Variants in GNG4 observed in about 807,000 individuals in gnomAD.
GNG4 encodes guanine nucleotide-binding protein G(I)/G(S)/G(O) subunit gamma-4.
In GNG4, 4 loss-of-function variants were observed where a neutral mutation model predicts 5.8. The observed-to-expected ratio is 0.69, with a 90% CI of 0.34 to 1.57. GNG4 has a LOEUF of 1.57. Among genes scored for constraint, GNG4 ranks in the 40% most tolerant of loss-of-function variants. The pLI, the probability that GNG4 is intolerant of heterozygous loss-of-function variation, is 0.06. For missense variants in GNG4, 96 were observed against 95.1 expected (o/e 1.01, Z -0.04); for synonymous variants, 29 against 32.9 (o/e 0.88, Z 0.41).
intron 3 of GNG4, among the ~76,000 whole-genome samples, chr1:235,561,074 A>G (rs1390656200): frequency 1.3e-5 from 2 of 152,180 alleles, no homozygotes; most frequent in Non-Finnish European, 1.5e-5. Flanking sequence ...CAGTGGCGCC[A>G]TCTCGGCTCA....
intron 3 of GNG4, among the ~76,000 whole-genome samples, chr1:235,571,837 T>C (rs545506355): frequency 2.0e-5 from 3 of 152,288 alleles, no homozygotes; most frequent in South Asian, 4.1e-4. Flanking sequence ...TGTTAATTAA[T>C]TAACTAATTA....
chr1:235,592,413 G>A (rs1687993055), intron 2 of GNG4, among the ~76,000 whole-genome samples: 2 of 152,146 alleles, frequency 1.3e-5, no homozygotes, highest in Admixed American at 6.5e-5. Flanking sequence ...GGAAGCTGAG[G>A]CAGGAGAATT....
chr1:235,557,448 T>C (rs1337638988), intron 3 of GNG4, among the ~76,000 whole-genome samples: 5 of 152,052 alleles, frequency 3.3e-5, no homozygotes, highest in Middle Eastern at 3.4e-3. Context: ...CTCACCCCCT[T>C]TCCCCCCGGC....
chr1:235,579,188 T>C (rs1415225781), intron 3 of GNG4, among the ~76,000 whole-genome samples: 5 of 152,000 alleles, frequency 3.3e-5, no homozygotes. Context: ...ATGTATTGTA[T>C]ACTTGAAAAT....
chr1:235,618,873 C>G (rs1688651727), intron 1 of GNG4, among the ~76,000 whole-genome samples: 1 of 151,394 alleles, frequency 6.6e-6, no homozygotes, highest in Admixed American at 6.6e-5. Context: ...CCGGGCTGGT[C>G]TCGAACTCCT....
chr1:235,553,306 G>A (rs1040163539), intron 3 of GNG4, among the ~76,000 whole-genome samples: 3 of 152,208 alleles, frequency 2.0e-5, no homozygotes, highest in African/African-American at 7.2e-5. Flanking sequence ...TCTGTGTCAT[G>A]TGCTTGGCAG....
At chr1:235,602,388 A>G (rs1221021794) in intron 1 of GNG4, among the ~76,000 whole-genome samples, 2 of 152,186 alleles carry the variant, frequency 1.3e-5, no homozygotes, top group Non-Finnish European at 2.9e-5. Context: ...AGAGAGAAAC[A>G]AAACGGAAAG....
chr1:235,623,182 T>C (rs1046464213), intron 1 of GNG4, among the ~76,000 whole-genome samples: 1 of 152,162 alleles, frequency 6.6e-6, no homozygotes, highest in Non-Finnish European at 1.5e-5. Flanking sequence ...AGATTTAGCC[T>C]GCATGCAGCC....
At chr1:235,636,425 G>A (rs1391794695) in intron 1 of GNG4, among the ~76,000 whole-genome samples, 1 of 152,194 alleles carries the variant, frequency 6.6e-6, no homozygotes, top group East Asian at 1.9e-4. Flanking sequence ...AGGTCTAGGG[G>A]AGCCCCGTGT....
intron 3 of GNG4, among the ~76,000 whole-genome samples, chr1:235,573,946 T>C (rs565424389): frequency 5.2e-4 from 79 of 152,308 alleles, no homozygotes; most frequent in African/African-American, 1.7e-3. Context: ...TTCAGTGATA[T>C]ATCAGGTTAT....
chr1:235,593,095 C>G (rs749223594), intron 2 of GNG4, among the ~76,000 whole-genome samples: 1 of 152,086 alleles, frequency 6.6e-6, no homozygotes, highest in South Asian at 2.1e-4. Flanking sequence ...ATTACAGGTG[C>G]GTACCACTAT....
At position 235,638,489 on chromosome 1, in the gene GNG4, T is replaced by A. The variant is rs1210521287; in HGVS notation, c.-123+11173A>T. ...GCTTGTGGCTCCTCCTGCATTTTTT[T>A]TTTTTTTTAACATTTTACTTTAAGT... is the stretch of plus-strand genomic sequence containing the variant. On this transcript the variant is annotated intron_variant, in intron 1 of 3. Coordinates refer to ENST00000391854, the MANE Select transcript of GNG4 (RefSeq NM_001098722.2). Among the ~76,000 whole-genome samples, 6 of 151,990 alleles carry A rather than the reference T, an allele frequency of 3.9e-5. No homozygotes were observed. The East Asian group carries it at 1.2e-3, about 29-fold the overall frequency.
intron 1 of GNG4, among the ~76,000 whole-genome samples, chr1:235,632,094 CTTTTT>C (rs1379169553): frequency 6.6e-6 from 1 of 152,042 alleles, no homozygotes; most frequent in African/African-American, 2.4e-5. Context: ...TTCCTTCTTT[CTTTTT>C]TTAAGAGACA....
chr1:235,564,933 T>C (rs1687156809), intron 3 of GNG4, among the ~76,000 whole-genome samples: 1 of 152,164 alleles, frequency 6.6e-6, no homozygotes, highest in Non-Finnish European at 1.5e-5. Context: ...TCCGCCCACC[T>C]TGGCCTCCCA....
intron 3 of GNG4, among the ~76,000 whole-genome samples, chr1:235,553,236 G>A (rs1014722863): frequency 9.9e-5 from 15 of 152,178 alleles, no homozygotes; most frequent in Admixed American, 1.3e-4. Context: ...GGGAGAGGGC[G>A]GGGTGCGGAC....
At chr1:235,627,168 C>T (rs1382932216) in intron 1 of GNG4, among the ~76,000 whole-genome samples, 1 of 151,918 alleles carries the variant, frequency 6.6e-6, no homozygotes, top group Admixed American at 6.6e-5. Flanking sequence ...GGGGTTTTCA[C>T]ACCTGTGGAA....
intron 3 of GNG4, among the ~76,000 whole-genome samples, chr1:235,571,733 T>C (rs994059): frequency 0.68 from 102,585 of 151,562 alleles, 35,124 homozygotes; most frequent in East Asian, 0.87. Flanking sequence ...AGTGTACTTC[T>C]ACAAACCTAG....
chr1:235,563,210 G>T (rs1424783962), intron 3 of GNG4, among the ~76,000 whole-genome samples: 1 of 151,806 alleles, frequency 6.6e-6, no homozygotes, highest in Non-Finnish European at 1.5e-5. Context: ...GTCACTTAAG[G>T]TCAGGAGTTT....
At chr1:235,616,130 C>T in intron 1 of GNG4, 1 of 479,022 alleles carries the variant, frequency 2.1e-6, no homozygotes. Context: ...TCTTCTTCAA[C>T]CCCCTTCCGC....
Sources: allele counts gnomAD v4.1 joint callset (sites outside exome capture counted in the v4.1 genomes callset), GRCh38; gene constraint gnomAD v4.1.1; transcripts MANE v1.5; gene names NCBI Gene and HGNC (gene_info 2026-07-23, HGNC 2026-07-21).